Variants in ATG4B observed in about 807,000 individuals in gnomAD.
ATG4B encodes the protein cysteine protease ATG4B.
ATG4B carries 29 observed loss-of-function variants against 56.6 expected under a neutral mutation model. The observed-to-expected ratio is 0.51, with a 90% confidence interval of 0.38 to 0.70. The LOEUF is 0.70. ATG4B is among the 30% of genes least tolerant of loss of function. ATG4B has a pLI of 0.00. For synonymous variants in ATG4B, 224 were observed against 206.1 expected, an observed-to-expected ratio of 1.09 and a Z score of -0.74; for missense variants, 461 against 515.5, an observed-to-expected ratio of 0.89 and a Z score of 1.02.
At chr2:241,654,688 C>T in intron 5 of ATG4B, 41 bp downstream of exon 5, 3 of 1,510,748 alleles carry the variant, frequency 2.0e-6, no homozygotes, top group Non-Finnish European at 2.7e-6. Flanking sequence ...CCCGGGCTGT[C>T]TGGAGAGGGT....
At chr2:241,662,233 G>A (rs181573102) in intron 7 of ATG4B, among the ~76,000 whole-genome samples, 37 of 152,258 alleles carry the variant, frequency 2.4e-4, no homozygotes, top group Admixed American at 9.2e-4. Context: ...CAGAAGTAAA[G>A]GGAAACTTCT....
chr2:241,639,858 G>A (rs1195189195), intron 1 of ATG4B, among the ~76,000 whole-genome samples: 1 of 152,180 alleles, frequency 6.6e-6, no homozygotes, highest in Non-Finnish European at 1.5e-5. Context: ...GTGAAGGGTG[G>A]GGATTAATTA....
chr2:241,670,297 C>T (rs141991514), intron 10 of ATG4B, among the ~76,000 whole-genome samples: 1,756 of 151,908 alleles, frequency 0.012, 20 homozygotes, highest in Non-Finnish European at 0.019. Flanking sequence ...TCACGGTGTC[C>T]TTGGGCAGTT....
intron 5 of ATG4B, 33 bp from the exon 6 acceptor site, chr2:241,655,238 T>C (rs1356775389): frequency 2.5e-6 from 4 of 1,586,860 alleles, no homozygotes; most frequent in Non-Finnish European, 3.4e-6. Flanking sequence ...TGGGGGCGGG[T>C]GTGTGTTGCT....
rs1048663521 is a variant in ATG4B, at chr2:241,668,333, A to C, written c.811+112A>C. ...TTGAGGCCACTGGTGGAAAAGCAGCATGCCCTGGGGTTCATTTTCAGCCTG... is the reference window on the plus strand; with the variant it reads ...TTGAGGCCACTGGTGGAAAAGCAGCCTGCCCTGGGGTTCATTTTCAGCCTG... On this transcript the variant is annotated intron_variant, in intron 9 of 12. Transcript: ENST00000404914. The surrounding 1 kb of genome is among the most constrained non-coding windows in gnomAD (Gnocchi z 4.2). 1 of 1,405,314 alleles carries C rather than the reference A, an allele frequency of 7.1e-7. No homozygotes were observed. Among genetic ancestry groups the C allele is most frequent in the Non-Finnish European group, 9.8e-7 (1 of 1,016,718 alleles). 87.1% of individuals were successfully genotyped at this position (1,405,314 alleles called of 1,614,324 possible).
At position 241,668,131 on chromosome 2, in the gene ATG4B, GC is replaced by G; in HGVS notation, c.733-8del. 1 of 1,585,060 alleles carries G rather than the reference GC, an allele frequency of 6.3e-7. No homozygotes were observed. Among genetic ancestry groups the G allele is most frequent in the Admixed American group, 1.8e-5 (1 of 56,302 alleles). ...ACCTGGGACCTGTGCTCAGTCCCCC[GC>G]CCCTCCACAGCACTGCTTCATGATG... On this transcript the variant is annotated splice_polypyrimidine_tract_variant and intron_variant, in intron 8 of 12. Coordinates refer to ENST00000404914, the MANE Select transcript of ATG4B (RefSeq NM_013325.5). This position sits in a 1 kb window ranked among gnomAD's most constrained non-coding sequence, Gnocchi z 4.2.
intron 6 of ATG4B, among the ~76,000 whole-genome samples, chr2:241,655,822 C>T (rs1389524088): frequency 2.6e-5 from 4 of 152,236 alleles, no homozygotes; most frequent in East Asian, 1.9e-4. Context: ...CGCTTCCTTT[C>T]GCACCTCACT....
rs768474583 is a variant in ATG4B at position 241,666,691 on chromosome 2, T to G, written c.585T>G (p.Phe195Leu). Residue 195 changes from phenylalanine (F) to leucine (L), a missense_variant, in exon 8 of 13, where the codon TTT (phenylalanine) becomes TTG (leucine). Physicochemically the swap from Phe to Leu is conservative, Grantham distance 22. Coordinates refer to ENST00000404914, the MANE Select transcript of ATG4B (RefSeq NM_013325.5). ...TTCCCTGTGCAGGCGCCACTGCGTT[T>G]CCTGCAGATTCCGACCGGCACTGCA... is the stretch of plus-strand genomic sequence containing the variant. ...TSVPCAGATA[F>L]PADSDRHCNG... 1.2e-6 allele frequency: 2 copies of G among 1,613,416 alleles called. No homozygotes were observed. The highest frequency in any genetic ancestry group is 1.7e-5 in the Admixed American group (1 of 59,942).
intron 6 of ATG4B, 87 bp from the exon 7 acceptor site, chr2:241,659,021 G>T (rs578161511): frequency 2.1e-4 from 219 of 1,048,272 alleles, no homozygotes; most frequent in Non-Finnish European, 2.9e-4. Context: ...CCTCTAACGC[G>T]AACCCTCCTT....
rs2068562070 is a variant in ATG4B at position 241,660,631 on chromosome 2, C to G, written c.538+1444C>G. On this transcript the variant is annotated intron_variant, in intron 7 of 12. Transcript: ENST00000404914. ...GAAAGAGAAAAATTATTGATTTTAC[C>G]ACTCAGAAATAACTCATATGAGCAT... Among the ~76,000 whole-genome samples the G allele has an allele frequency of 2.6e-5, 4 of 152,256 alleles. No homozygotes were observed. In the South Asian group the frequency reaches 8.3e-4, roughly 32 times the overall value.
At chr2:241,646,509 A>G (rs1367321641) in intron 1 of ATG4B, among the ~76,000 whole-genome samples, 2 of 152,140 alleles carry the variant, frequency 1.3e-5, no homozygotes, top group African/African-American at 2.4e-5. Context: ...TGACTTTACG[A>G]TAGTGTGAAA....
At chr2:241,654,405 A>G (rs1257820654) in intron 4 of ATG4B, 141 bp from the exon 5 acceptor site, 3 of 630,392 alleles carry the variant, frequency 4.8e-6, no homozygotes, top group Non-Finnish European at 8.0e-6. Flanking sequence ...TGGGTGAGAG[A>G]GCGAGACTCT....
intron 1 of ATG4B, among the ~76,000 whole-genome samples, chr2:241,643,991 C>T (rs962714247): frequency 6.6e-6 from 1 of 152,124 alleles, no homozygotes; most frequent in Non-Finnish European, 1.5e-5. Flanking sequence ...GACAAGGGAA[C>T]CTCTCCATGG....
intron 1 of ATG4B, among the ~76,000 whole-genome samples, chr2:241,649,594 G>C (rs369832567): frequency 1.1e-4 from 16 of 152,290 alleles, no homozygotes; most frequent in Admixed American, 3.3e-4. Context: ...AGATGCCTCT[G>C]GTGCCGCCCC....
chr2:241,668,973 AGT>A lies in ATG4B; in HGVS notation c.957+292_957+293del, dbSNP rs1017014470. The A allele has an allele frequency of 3.0e-5, 13 of 440,576 alleles. No individual in the cohort carries two copies. Among genetic ancestry groups the A allele is most frequent in the African/African-American group, 1.6e-4 (8 of 48,504 alleles). 27.3% of individuals were successfully genotyped at this position (440,576 alleles called of 1,614,324 possible). On this transcript the variant is annotated intron_variant, in intron 10 of 12. Coordinates refer to ENST00000404914, the MANE Select transcript of ATG4B (RefSeq NM_013325.5). The surrounding 1 kb of genome is among the most constrained non-coding windows in gnomAD (Gnocchi z 4.2). ...GGCGCGTGCTGAGTGTGCATGGATG[AGT>A]GTGAGCCATGGTGAGTGTGTCCCCC...
intron 1 of ATG4B, among the ~76,000 whole-genome samples, chr2:241,642,739 C>T (rs1028421975): frequency 6.6e-6 from 1 of 151,056 alleles, no homozygotes; most frequent in African/African-American, 2.4e-5. Context: ...TGCCATCTGC[C>T]CTCTTCTGCT....
Position 241,643,858 on chromosome 2 carries a change from C to T in ATG4B, c.10+6134C>T, listed in dbSNP as rs536903770. On this transcript the variant is annotated intron_variant, in intron 1 of 12. Coordinates refer to ENST00000404914, the MANE Select transcript of ATG4B (RefSeq NM_013325.5). ...GATTACAGGTGTGAGCCACTGCACCCGGCGAGTGGATATTTTTTCCGAAGT... is the reference window on the plus strand; with the variant it reads ...GATTACAGGTGTGAGCCACTGCACCTGGCGAGTGGATATTTTTTCCGAAGT... Among the ~76,000 whole-genome samples the T allele has an allele frequency of 1.5e-3, 222 of 151,868 alleles. 2 individuals are homozygous for T. The highest frequency in any genetic ancestry group is 5.1e-3 in the African/African-American group (213 of 41,390).
At chr2:241,667,111 C>A (rs1408572340) in intron 8 of ATG4B, among the ~76,000 whole-genome samples, 3 of 152,190 alleles carry the variant, frequency 2.0e-5, no homozygotes, top group Non-Finnish European at 4.4e-5. Context: ...CCAGGTGCCA[C>A]TCCTCGGCCT....
chr2:241,646,880 T>G (rs1243283112), intron 1 of ATG4B, among the ~76,000 whole-genome samples: 2 of 151,816 alleles, frequency 1.3e-5, no homozygotes, highest in East Asian at 1.9e-4. Context: ...CCTCCTGGGT[T>G]TAAGCAATTC....
Sources: allele counts gnomAD v4.1 joint callset (sites outside exome capture counted in the v4.1 genomes callset), GRCh38; gene constraint gnomAD v4.1.1; non-coding constraint Gnocchi (gnomAD v3.1); transcripts MANE v1.5; gene names NCBI Gene and HGNC (gene_info 2026-07-23, HGNC 2026-07-21).